The following ZCWPW2 variants were observed in gnomAD, a reference collection of about 807,000 sequenced individuals.
ZCWPW2 encodes the protein zinc finger CW-type and PWWP domain containing 2, also known as zinc finger CW-type PWWP domain protein 2.
Under a neutral mutation model 46.6 loss-of-function variants are expected in ZCWPW2, and 45 were observed. That is an observed-to-expected ratio of 0.96 (90% confidence interval 0.76 to 1.24). ZCWPW2 has a LOEUF of 1.24. Ranked by LOEUF, ZCWPW2 falls within the 50% of genes most tolerant of loss-of-function variation. The pLI, the probability that ZCWPW2 is intolerant of heterozygous loss-of-function variation, is 0.00. For missense variants in ZCWPW2, 429 were observed against 403.9 expected (o/e 1.06, Z -0.53); for synonymous variants, 152 against 137.1 (o/e 1.11, Z -0.76).
intron 3 of ZCWPW2, among the ~76,000 whole-genome samples, chr3:28,426,539 T>C (rs961221549): frequency 6.6e-6 from 1 of 152,220 alleles, no homozygotes; most frequent in Admixed American, 6.5e-5. Flanking sequence ...TTAGACACAG[T>C]ATATAAATTG....
At chr3:28,369,632 C>T (rs888826117) in intron 1 of ZCWPW2, among the ~76,000 whole-genome samples, 7 of 152,194 alleles carry the variant, frequency 4.6e-5, no homozygotes, top group African/African-American at 1.2e-4. Flanking sequence ...GCAGTCTGTC[C>T]GTTCTCAGAT....
chr3:28,362,584 C>G (rs558794583), intron 1 of ZCWPW2, among the ~76,000 whole-genome samples: 1 of 152,044 alleles, frequency 6.6e-6, no homozygotes, highest in African/African-American at 2.4e-5. Context: ...CAGATGCTGG[C>G]GAGGTTGTGG....
chr3:28,352,525 C>T (rs1278588226), intron 1 of ZCWPW2, among the ~76,000 whole-genome samples: 1 of 152,126 alleles, frequency 6.6e-6, no homozygotes, highest in East Asian at 1.9e-4. Flanking sequence ...AAGTAAATGA[C>T]TGTGATGAAT....
At chr3:28,483,980 G>A (rs895948046) in intron 5 of ZCWPW2, among the ~76,000 whole-genome samples, 2 of 151,718 alleles carry the variant, frequency 1.3e-5, no homozygotes, top group African/African-American at 2.4e-5. Context: ...TTCATTTATT[G>A]TCTTACTGCG....
At chr3:28,476,173 A>C (rs562785108) in intron 4 of ZCWPW2, among the ~76,000 whole-genome samples, 1 of 151,768 alleles carries the variant, frequency 6.6e-6, no homozygotes, top group African/African-American at 2.4e-5. Flanking sequence ...ACTGTAAAAG[A>C]AACTAGTAAT....
intron 5 of ZCWPW2, among the ~76,000 whole-genome samples, chr3:28,482,130 C>T (rs1699448179): frequency 6.6e-6 from 1 of 152,112 alleles, no homozygotes; most frequent in South Asian, 2.1e-4. Context: ...CTCTAAAAAT[C>T]CTTTGTGTTC....
intron 3 of ZCWPW2, among the ~76,000 whole-genome samples, chr3:28,432,836 A>C (rs995940084): frequency 2.0e-5 from 3 of 152,202 alleles, no homozygotes; most frequent in African/African-American, 7.2e-5. Context: ...AAAAAAATAG[A>C]TATTACTGAG....
intron 3 of ZCWPW2, among the ~76,000 whole-genome samples, chr3:28,413,790 T>C (rs1289921653): frequency 3.3e-5 from 5 of 152,126 alleles, no homozygotes; most frequent in African/African-American, 4.8e-5. Context: ...AATTTTAATG[T>C]GTCTTATTGC....
intron 2 of ZCWPW2, among the ~76,000 whole-genome samples, chr3:28,406,443 C>T (rs1696163517): frequency 1.3e-5 from 2 of 152,220 alleles, no homozygotes; most frequent in Admixed American, 1.3e-4. Flanking sequence ...CATATCTGTG[C>T]ACTTTTGGGT....
intron 2 of ZCWPW2, among the ~76,000 whole-genome samples, chr3:28,393,586 A>T: frequency 6.6e-6 from 1 of 152,140 alleles, no homozygotes; most frequent in Non-Finnish European, 1.5e-5. Flanking sequence ...AAAGGATCAT[A>T]CACTATGATC....
At chr3:28,390,047 C>G (rs1029665879) in intron 1 of ZCWPW2, among the ~76,000 whole-genome samples, 2 of 152,166 alleles carry the variant, frequency 1.3e-5, no homozygotes, top group African/African-American at 2.4e-5. Context: ...CATGGCCCAG[C>G]CAAGCTGACA....
chr3:28,448,996 C>G (rs1246030655), intron 4 of ZCWPW2, among the ~76,000 whole-genome samples: 1 of 151,974 alleles, frequency 6.6e-6, no homozygotes, highest in Non-Finnish European at 1.5e-5. Flanking sequence ...CTAGAGGACT[C>G]ACACTTCCTG....
intron 1 of ZCWPW2, among the ~76,000 whole-genome samples, chr3:28,366,963 T>G (rs1705141250): frequency 6.6e-6 from 1 of 152,242 alleles, no homozygotes; most frequent in Non-Finnish European, 1.5e-5. Context: ...GATGGTAGTT[T>G]GTATTTCTGT....
chr3:28,397,664 T>TA (rs1559487822), intron 2 of ZCWPW2, among the ~76,000 whole-genome samples: 1 of 152,194 alleles, frequency 6.6e-6, no homozygotes, highest in Non-Finnish European at 1.5e-5. Flanking sequence ...AATGAGACTT[T>TA]ATCTCAAAAA....
chr3:28,364,912 G>T (rs967414612), intron 1 of ZCWPW2, among the ~76,000 whole-genome samples: 1 of 152,086 alleles, frequency 6.6e-6, no homozygotes, highest in Non-Finnish European at 1.5e-5. Context: ...TTTCTCTGAT[G>T]GCCAGTGATG....
chr3:28,373,751 A>G (rs189072926), intron 1 of ZCWPW2, among the ~76,000 whole-genome samples: 161 of 152,246 alleles, frequency 1.1e-3, no homozygotes, highest in African/African-American at 3.7e-3. Context: ...TTGGGATTAC[A>G]GGTGTGACCC....
Position 28,413,152 on chromosome 3 carries a change from AGT to A in ZCWPW2, c.88_89del (p.Trp30GlyfsTer4), listed in dbSNP as rs776342188. ...CAGTGGAAAACATGTATGTAAACAA[AGT>A]GTGGGTTCAATGTGAGAATGAAAAT... is the stretch of plus-strand genomic sequence containing the variant. ...SSVENMYVNK[V>X]WVQCENENCL... is the part of the protein sequence containing the mutation. On this transcript the variant is annotated frameshift_variant, in exon 3 of 10. Transcript: ENST00000383768. LOFTEE classifies it high-confidence loss of function. 1.9e-6 allele frequency: 3 copies of A among 1,613,278 alleles called. No individual in the cohort carries two copies. Among genetic ancestry groups the A allele is most frequent in the Admixed American group, 1.7e-5 (1 of 59,892 alleles).
chr3:28,352,479 C>T (rs1423486258), intron 1 of ZCWPW2, among the ~76,000 whole-genome samples: 1 of 151,950 alleles, frequency 6.6e-6, no homozygotes, highest in African/African-American at 2.4e-5. Flanking sequence ...TATGGGGATA[C>T]CTTATCTGAC....
chr3:28,442,278 A>G (rs960288943), intron 4 of ZCWPW2, among the ~76,000 whole-genome samples: 3 of 152,208 alleles, frequency 2.0e-5, no homozygotes, highest in Non-Finnish European at 4.4e-5. Flanking sequence ...CTTAGAAGGA[A>G]TATCTCAACA....
Sources: allele counts gnomAD v4.1 joint callset (sites outside exome capture counted in the v4.1 genomes callset), GRCh38; gene constraint gnomAD v4.1.1; transcripts MANE v1.5; gene names NCBI Gene and HGNC (gene_info 2026-07-23, HGNC 2026-07-21).